Variants in EXOC4 observed in about 807,000 individuals in gnomAD.
The protein encoded by EXOC4 is exocyst complex component 4.
Under a neutral mutation model 107.2 loss-of-function variants are expected in EXOC4, and 71 were observed. The ratio of observed to expected loss-of-function variants is 0.66; its 90% CI spans 0.55 to 0.81. The LOEUF is 0.81. Among genes scored for constraint, EXOC4 ranks in the 30% least tolerant of loss-of-function variants. The probability of loss-of-function intolerance (pLI) is 0.00; values close to 1 mark genes in which losing one functional copy is unlikely to be tolerated. For synonymous variants in EXOC4, 456 were observed against 441.2 expected (o/e 1.03, Z -0.42); for missense variants, 1,108 against 1,189.6 (o/e 0.93, Z 1.01).
chr7:133,952,665 C>T (rs867166928), intron 14 of EXOC4, among the ~76,000 whole-genome samples: 3 of 152,198 alleles, frequency 2.0e-5, no homozygotes, highest in Non-Finnish European at 2.9e-5. Context: ...TTCCCTCCAG[C>T]CCTTGGCAAC....
intron 11 of EXOC4, among the ~76,000 whole-genome samples, chr7:133,838,822 G>A (rs1429372995): frequency 6.6e-6 from 1 of 152,214 alleles, no homozygotes; most frequent in East Asian, 1.9e-4. Context: ...AGCAATCATA[G>A]ATAATATGTA....
At chr7:133,786,583 A>ACATGG (rs1168626889) in intron 10 of EXOC4, among the ~76,000 whole-genome samples, 3 of 152,350 alleles carry the variant, frequency 2.0e-5, no homozygotes, top group Non-Finnish European at 4.4e-5. Context: ...AAGCTCTCAA[A>ACATGG]GCATGTTCAG....
intron 17 of EXOC4, among the ~76,000 whole-genome samples, chr7:134,037,826 C>T (rs1424603344): frequency 7.9e-5 from 12 of 152,136 alleles, no homozygotes; most frequent in Non-Finnish European, 1.8e-4. Flanking sequence ...TCTTATTTCC[C>T]AGTGATGTCC....
chr7:133,480,669 G>A (rs2150859781), intron 9 of EXOC4: 1 of 152,792 alleles, frequency 6.5e-6, no homozygotes, highest in Admixed American at 6.5e-5. Context: ...AAAATATTTA[G>A]AAAATAAATT....
rs150753687 is a variant in EXOC4, at chr7:133,496,593, C to T, written c.1417+16455C>T. On this transcript the variant is annotated intron_variant, in intron 9 of 17. Coordinates refer to ENST00000253861, the MANE Select transcript of EXOC4 (RefSeq NM_021807.4). ...CTAGAAATCACCTACCATATTTCTT[C>T]GCACCTTCGAGGTGGAAGATAAAGG... Among the ~76,000 whole-genome samples the T allele has an allele frequency of 5.3e-3, 801 of 152,298 alleles. 8 individuals carry two copies. The highest frequency in any genetic ancestry group is 0.018 in the African/African-American group (735 of 41,564).
In EXOC4 at chr7:133,278,817, C is replaced by CTT. The variant is rs138202310; in HGVS notation, c.276+3653_276+3654dup. 4.0e-5 allele frequency among the ~76,000 whole-genome samples: 6 copies of CTT among 151,840 alleles called. No individual in the cohort carries two copies. In the South Asian group the frequency reaches 1.2e-3, roughly 32 times the overall value. On this transcript the variant is annotated intron_variant, in intron 2 of 17. Coordinates refer to ENST00000253861, the MANE Select transcript of EXOC4 (RefSeq NM_021807.4). ...AGGAATAACATGATGTGGCTAACAT[C>CTT]TTTTTTTTACTATTATTATACTTTA...
chr7:133,661,464 C>T (rs1193108963), intron 10 of EXOC4, among the ~76,000 whole-genome samples: 1 of 151,968 alleles, frequency 6.6e-6, no homozygotes, highest in Admixed American at 6.6e-5. Flanking sequence ...ACAGAAAACT[C>T]AGAAAGAAAT....
chr7:133,929,405 T>A (rs147246217), intron 13 of EXOC4, among the ~76,000 whole-genome samples: 2 of 152,238 alleles, frequency 1.3e-5, no homozygotes, highest in East Asian at 3.9e-4. Context: ...CCACACATCC[T>A]CAAACCCTGT....
chr7:133,480,002 T>C (rs1467880971), intron 8 of EXOC4, 48 bp from the exon 9 acceptor site: 1 of 1,465,614 alleles, frequency 6.8e-7, no homozygotes, highest in Non-Finnish European at 9.6e-7. Context: ...TGGTCAGCAC[T>C]TAATTGGTTT....
intron 9 of EXOC4, among the ~76,000 whole-genome samples, chr7:133,616,712 A>G (rs1251462209): frequency 6.6e-6 from 1 of 152,158 alleles, no homozygotes; most frequent in Non-Finnish European, 1.5e-5. Context: ...GATACCAGCT[A>G]TTTATTCCTA....
intron 14 of EXOC4, among the ~76,000 whole-genome samples, chr7:133,958,682 G>A (rs1800872059): frequency 6.6e-6 from 1 of 152,140 alleles, no homozygotes; most frequent in South Asian, 2.1e-4. Context: ...ATGAAGATAA[G>A]GCTAAAAACA....
intron 14 of EXOC4, among the ~76,000 whole-genome samples, chr7:133,971,361 T>TATATATATATATATATATATATAG (rs1489958236): frequency 2.7e-5 from 2 of 75,090 alleles, no homozygotes; most frequent in Non-Finnish European, 4.8e-5. Context: ...TATATATATA[T>TATATATATATATATATATATATAG]AGAGAGAGAG....
intron 10 of EXOC4, among the ~76,000 whole-genome samples, chr7:133,728,290 A>C (rs1227245158): frequency 6.6e-6 from 1 of 152,234 alleles, no homozygotes; most frequent in Non-Finnish European, 1.5e-5. Flanking sequence ...TGTTTCATGA[A>C]AGTAACTATT....
chr7:133,568,084 T>C (rs1800943940), intron 9 of EXOC4, among the ~76,000 whole-genome samples: 2 of 152,250 alleles, frequency 1.3e-5, no homozygotes, highest in Admixed American at 6.5e-5. Flanking sequence ...CATTCTGATA[T>C]GTAAAAATGT....
intron 14 of EXOC4, among the ~76,000 whole-genome samples, chr7:133,943,679 G>A (rs1374384662): frequency 6.6e-6 from 1 of 152,068 alleles, no homozygotes; most frequent in Non-Finnish European, 1.5e-5. Flanking sequence ...TTCCACTATT[G>A]CGGGAACTTA....
At chr7:133,636,391 A>G (rs924115453) in intron 10 of EXOC4, among the ~76,000 whole-genome samples, 1 of 152,202 alleles carries the variant, frequency 6.6e-6, no homozygotes, top group Non-Finnish European at 1.5e-5. Flanking sequence ...TATTTAGGGA[A>G]TCTGAAGGCC....
chr7:133,550,146 G>T (rs995199762), intron 9 of EXOC4, among the ~76,000 whole-genome samples: 1 of 152,116 alleles, frequency 6.6e-6, no homozygotes, highest in Non-Finnish European at 1.5e-5. Context: ...ACACTGGCAG[G>T]GAGAGGTGTT....
chr7:133,682,114 T>C (rs576319034), intron 10 of EXOC4, among the ~76,000 whole-genome samples: 61 of 152,180 alleles, frequency 4.0e-4, no homozygotes, highest in Middle Eastern at 3.4e-3. Context: ...CCCAGGCTTG[T>C]CTCAAACTCT....
At chr7:133,384,928 C>T (rs11765450) in intron 7 of EXOC4, among the ~76,000 whole-genome samples, 21,483 of 151,894 alleles carry the variant, frequency 0.14, 1,892 homozygotes, top group Non-Finnish European at 0.19. Context: ...ATGCACAGTG[C>T]TTCTACTTGA....
Sources: allele counts gnomAD v4.1 joint callset (sites outside exome capture counted in the v4.1 genomes callset), GRCh38; gene constraint gnomAD v4.1.1; transcripts MANE v1.5; gene names NCBI Gene and HGNC (gene_info 2026-07-23, HGNC 2026-07-21).